The following PGK1 variants were observed in gnomAD, a reference collection of about 807,000 sequenced individuals.
PGK1 encodes the protein phosphoglycerate kinase 1, also known as PRP 2.
Under a neutral mutation model 26.9 loss-of-function variants are expected in PGK1, and 3 were observed. The observed-to-expected ratio is 0.11, with a 90% CI of 0.05 to 0.29. The LOEUF (loss-of-function observed/expected upper bound fraction) is 0.29, where lower values mean the gene tolerates loss of function less well. PGK1 is among the 10% of genes least tolerant of loss of function. The probability of loss-of-function intolerance (pLI) is 1.00; values close to 1 mark genes in which losing one functional copy is unlikely to be tolerated. For synonymous variants in PGK1, 125 were observed against 115.3 expected (o/e 1.08, Z -0.54); for missense variants, 270 against 314.7 (o/e 0.86, Z 1.07).
In PGK1 at chrX:78,114,082, T is replaced by A. The variant is rs1557247193; in HGVS notation, c.339T>A (p.Ala113=). The part of the protein sequence containing the change: ...EVEKACANPA[A]GSVILLENLR... Reference sequence around the variant, plus strand: ...AGAAAGCCTGTGCCAACCCAGCTGCTGGGTCTGTCATCCTGCTGGAGAACC... The same window carrying A: ...AGAAAGCCTGTGCCAACCCAGCTGCAGGGTCTGTCATCCTGCTGGAGAACC... The change falls in exon 4 of 11, where the codon GCT becomes GCA. Residue 113 remains alanine, a synonymous_variant. Coordinates refer to ENST00000373316, the MANE Select transcript of PGK1 (RefSeq NM_000291.4). 3 of 1,207,855 alleles carry A rather than the reference T, an allele frequency of 2.5e-6. No homozygotes were observed. The African/African-American group carries it at 5.3e-5, about 21-fold the overall frequency.
chrX:78,127,505 GAAAT>G lies in PGK1; in HGVS notation c.*1679_*1682del, dbSNP rs1240138342. The G allele has an allele frequency of 1.8e-5, 2 of 111,968 alleles. No individual in the cohort carries two copies. The highest frequency in any genetic ancestry group is 6.5e-5 in the African/African-American group (2 of 30,793). The allele number at this position is 111,968 out of a possible 1,213,427, so 9.2% of individuals were successfully genotyped here. A position where few individuals can be genotyped will look rare whatever the true frequency, so the allele number is the denominator to read the frequency against. On this transcript the variant is annotated 3_prime_UTR_variant, in exon 11 of 11. Transcript: ENST00000373316. ...TATGTATTTCACCTTTAGGGACAAA[GAAAT>G]AAACTTTTGGACAGGACCACAGAGC...
At chrX:78,118,963 C>G (rs992580993) in intron 6 of PGK1, among the ~76,000 whole-genome samples, 2 of 111,780 alleles carry the variant, frequency 1.8e-5, no homozygotes, top group South Asian at 3.7e-4. Flanking sequence ...CCATGCAGGT[C>G]CTCCTCCTGT....
rs1557248219 is a variant in PGK1 at position 78,123,189 on chromosome X, G to A, written c.757-6G>A. ...TGACCTCCATCATTTTGGCTCCCCT[G>A]TGTAGATTGGCACTTCTCTGTTTGA... On this transcript the variant is annotated splice_polypyrimidine_tract_variant and splice_region_variant and intron_variant, in intron 7 of 10. Transcript: ENST00000373316. The A allele has an allele frequency of 1.1e-5, 13 of 1,200,487 alleles. No individual in the cohort carries two copies. The highest frequency in any genetic ancestry group is 3.0e-5 in the East Asian group (1 of 33,756).
intron 10 of PGK1, 57 bp from the exon 11 acceptor site, chrX:78,125,733 T>C: frequency 1.0e-6 from 1 of 981,258 alleles, no homozygotes; most frequent in Non-Finnish European, 1.5e-6. Flanking sequence ...GGGGGAAATC[T>C]GGCTTACTGG....
At chrX:78,108,201 G>A (rs1316195622) in intron 1 of PGK1, among the ~76,000 whole-genome samples, 1 of 111,935 alleles carries the variant, frequency 8.9e-6, no homozygotes, top group Non-Finnish European at 1.9e-5. Context: ...TTTCTTAGGT[G>A]TCTCTGTCCA....
chrX:78,105,751 T>C (rs1557246139), intron 1 of PGK1, among the ~76,000 whole-genome samples: 1 of 111,818 alleles, frequency 8.9e-6, no homozygotes, highest in East Asian at 2.8e-4. Context: ...TTTATGTCCA[T>C]GAAAAATACC....
intron 1 of PGK1, among the ~76,000 whole-genome samples, chrX:78,108,776 T>C (rs951069083): frequency 8.0e-5 from 9 of 112,422 alleles, no homozygotes; most frequent in Non-Finnish European, 1.1e-4. Context: ...CTGTTTTTAG[T>C]AGTGGTTGAT....
At chrX:78,116,022 C>CT (rs782736002) in intron 4 of PGK1, among the ~76,000 whole-genome samples, 5,336 of 99,222 alleles carry the variant, frequency 0.054, 129 homozygotes, top group East Asian at 0.084. Context: ...CTGACCTTTA[C>CT]TTTTTTTTTT....
At chrX:78,122,676 GT>G (rs1410163134) in intron 6 of PGK1, among the ~76,000 whole-genome samples, 158 bp from the exon 7 acceptor site, 1 of 111,450 alleles carries the variant, frequency 9.0e-6, no homozygotes, top group Non-Finnish European at 1.9e-5. Context: ...AATGGATTGA[GT>G]TTTTGGGTTG....
intron 1 of PGK1, among the ~76,000 whole-genome samples, chrX:78,108,498 A>G (rs1355823803): frequency 8.9e-6 from 1 of 112,247 alleles, no homozygotes; most frequent in Non-Finnish European, 1.9e-5. Context: ...GAAGACTTTA[A>G]AACATGTTTT....
intron 1 of PGK1, 91 bp downstream of exon 1, chrX:78,104,496 CT>C: frequency 1.4e-6 from 1 of 730,392 alleles, no homozygotes; most frequent in Non-Finnish European, 2.1e-6. Context: ...GCTCTAAGTT[CT>C]TTTAGCTTTT....
intron 6 of PGK1, among the ~76,000 whole-genome samples, chrX:78,119,946 T>C (rs1361409916): frequency 8.9e-6 from 1 of 111,997 alleles, no homozygotes; most frequent in Non-Finnish European, 1.9e-5. Context: ...TACAGGTTGT[T>C]GTGTCTTGTT....
intron 1 of PGK1, among the ~76,000 whole-genome samples, chrX:78,106,131 C>G (rs1435878277): frequency 9.0e-6 from 1 of 111,545 alleles, no homozygotes; most frequent in Non-Finnish European, 1.9e-5. Flanking sequence ...AGCTGCTTAA[C>G]TTTTCTCCCT....
chrX:78,115,476 T>G (rs1370851355), intron 4 of PGK1, among the ~76,000 whole-genome samples: 1 of 110,824 alleles, frequency 9.0e-6, no homozygotes, highest in Non-Finnish European at 1.9e-5. Context: ...GCCAACATGG[T>G]GAAACCCTGT....
At position 78,114,147 on chromosome X, in the gene PGK1, C is replaced by G; in HGVS notation, c.404C>G (p.Ala135Gly). Reference protein sequence around the residue: ...HVEEEGKGKDASGNKVKAEPA... With the variant: ...HVEEEGKGKDGSGNKVKAEPA... ...GAGGAAGAAGGGAAGGGAAAAGATG[C>G]TTCTGGGAACAAGGTAGGACCTGTG... is the stretch of plus-strand genomic sequence containing the variant. Residue 135 changes from alanine to glycine, a missense_variant, in exon 4 of 11, where the codon GCT becomes GGT. By Grantham distance (60) the Ala-to-Gly change is moderately conservative. Transcript: ENST00000373316. The G allele has an allele frequency of 8.3e-7, 1 of 1,210,457 alleles. No homozygotes were observed. The highest frequency in any genetic ancestry group is 1.1e-6 in the Non-Finnish European group (1 of 894,372).
In PGK1 at chrX:78,104,299, T is replaced by A; in HGVS notation, c.-42T>A. The A allele has an allele frequency of 9.5e-7, 1 of 1,049,444 alleles. No homozygotes were observed. The highest frequency in any genetic ancestry group is 1.3e-6 in the Non-Finnish European group (1 of 748,938). The allele number at this position is 1,049,444 out of a possible 1,213,427, so 86.5% of individuals were successfully genotyped here. A position where few individuals can be genotyped will look rare whatever the true frequency, so the allele number is the denominator to read the frequency against. On this transcript the variant is annotated 5_prime_UTR_variant, in exon 1 of 11. In the 5' UTR this introduces an upstream ATG that the reference lacks. Transcript: ENST00000373316. ...CGCACGTCGGCAGTCGGCTCCCTCG[T>A]TGACCGAATCACCGACCTCTCTCCC...
intron 4 of PGK1, among the ~76,000 whole-genome samples, 158 bp from the exon 5 acceptor site, chrX:78,117,154 A>G (rs1158018064): frequency 8.9e-6 from 1 of 111,818 alleles, no homozygotes; most frequent in Non-Finnish European, 1.9e-5. Context: ...TATCTGGAAT[A>G]TTTGGAAGAA....
intron 1 of PGK1, among the ~76,000 whole-genome samples, chrX:78,105,341 G>A (rs1557246085): frequency 8.9e-6 from 1 of 111,907 alleles, no homozygotes; most frequent in Non-Finnish European, 1.9e-5. Context: ...GGATGAGTCG[G>A]TATGTAACTG....
chrX:78,105,339 C>T (rs1355866807), intron 1 of PGK1, among the ~76,000 whole-genome samples: 1 of 111,659 alleles, frequency 9.0e-6, no homozygotes, highest in East Asian at 2.8e-4. Context: ...GAGGATGAGT[C>T]GGTATGTAAC....
Sources: allele counts gnomAD v4.1 joint callset (sites outside exome capture counted in the v4.1 genomes callset), GRCh38; gene constraint gnomAD v4.1.1; transcripts MANE v1.5; gene names NCBI Gene and HGNC (gene_info 2026-07-23, HGNC 2026-07-21).